The following GRIK1 variants were observed in gnomAD, a reference collection of about 807,000 sequenced individuals.
The protein encoded by GRIK1 is glutamate ionotropic receptor kainate type subunit 1.
A neutral mutation model predicts 105.7 loss-of-function variants in GRIK1; 69 were observed. The ratio of observed to expected loss-of-function variants is 0.65; its 90% confidence interval spans 0.54 to 0.80. The LOEUF (loss-of-function observed/expected upper bound fraction) is 0.80, where lower values mean the gene tolerates loss of function less well. Among genes scored for constraint, GRIK1 ranks in the 30% least tolerant of loss-of-function variants. The pLI, the probability that GRIK1 is intolerant of heterozygous loss-of-function variation, is 0.00. For synonymous variants in GRIK1, 438 were observed against 431.3 expected (o/e 1.02, Z -0.19); for missense variants, 1,109 against 1,167.3 (o/e 0.95, Z 0.73).
chr21:29,588,765 T>C (rs561630249), intron 11 of GRIK1, 74 bp downstream of exon 11: 61 of 857,484 alleles, frequency 7.1e-5, no homozygotes, highest in Middle Eastern at 6.8e-4. Flanking sequence ...GAAACATTTC[T>C]TCTGACATCA....
At chr21:29,724,899 C>T (rs555312058) in intron 1 of GRIK1, among the ~76,000 whole-genome samples, 2 of 151,448 alleles carry the variant, frequency 1.3e-5, no homozygotes, top group South Asian at 2.1e-4. Context: ...GGTCATTTAA[C>T]GTGGGAATTT....
chr21:29,929,179 T>C (rs980519945), intron 1 of GRIK1, among the ~76,000 whole-genome samples: 7 of 152,306 alleles, frequency 4.6e-5, no homozygotes, highest in Non-Finnish European at 7.4e-5. Context: ...TAGTCTCCGA[T>C]AAAGGGTTGG....
chr21:29,822,912 A>C (rs906743918), intron 1 of GRIK1, among the ~76,000 whole-genome samples: 1 of 152,028 alleles, frequency 6.6e-6, no homozygotes, highest in Non-Finnish European at 1.5e-5. Context: ...TATCAAGTAC[A>C]TCACTAAGTT....
intron 1 of GRIK1, among the ~76,000 whole-genome samples, chr21:29,783,390 C>T (rs1346920787): frequency 6.6e-6 from 1 of 151,978 alleles, no homozygotes; most frequent in East Asian, 1.9e-4. Context: ...ATATATTTTG[C>T]AGGTTTTTTT....
intron 1 of GRIK1, among the ~76,000 whole-genome samples, chr21:29,837,190 C>G (rs1429293251): frequency 6.6e-6 from 1 of 152,140 alleles, no homozygotes; most frequent in African/African-American, 2.4e-5. Flanking sequence ...CTTATATTTT[C>G]TGGTATCTCT....
intron 3 of GRIK1, among the ~76,000 whole-genome samples, chr21:29,677,638 C>A (rs544603010): frequency 6.6e-6 from 1 of 152,042 alleles, no homozygotes; most frequent in African/African-American, 2.4e-5. Context: ...CCTATGCCTT[C>A]CTTTTAAGTA....
chr21:29,600,158 A>C (rs997706792), intron 7 of GRIK1, among the ~76,000 whole-genome samples: 3 of 152,224 alleles, frequency 2.0e-5, no homozygotes, highest in African/African-American at 7.2e-5. Context: ...AATACAATCT[A>C]AATAGAACTC....
intron 1 of GRIK1, among the ~76,000 whole-genome samples, chr21:29,705,841 C>T (rs2146787583): frequency 6.6e-6 from 1 of 151,232 alleles, no homozygotes; most frequent in East Asian, 1.9e-4. Context: ...ATTTAAAATG[C>T]ATTTGCTATA....
chr21:29,783,619 T>C (rs1310430929), intron 1 of GRIK1, among the ~76,000 whole-genome samples: 1 of 152,206 alleles, frequency 6.6e-6, no homozygotes, highest in East Asian at 1.9e-4. Context: ...GTGAGATCAG[T>C]AACATAGGGT....
intron 1 of GRIK1, among the ~76,000 whole-genome samples, chr21:29,846,463 G>GAGAGAGAA (rs1555898088): frequency 3.1e-5 from 4 of 127,906 alleles, no homozygotes; most frequent in African/African-American, 9.7e-5. Context: ...GAAAGAGAGA[G>GAGAGAGAA]AGAAAGAAAG....
At chr21:29,916,557 G>A (rs1052428940) in intron 1 of GRIK1, among the ~76,000 whole-genome samples, 1 of 151,864 alleles carries the variant, frequency 6.6e-6, no homozygotes, top group Non-Finnish European at 1.5e-5. Context: ...AAGGGGCTTG[G>A]AGGGAGGGAA....
chr21:29,585,026 T>G (rs1475865142), intron 12 of GRIK1, among the ~76,000 whole-genome samples: 1 of 152,178 alleles, frequency 6.6e-6, no homozygotes, highest in Non-Finnish European at 1.5e-5. Flanking sequence ...GGGAGTTATT[T>G]TCTGTATTTC....
chr21:29,729,885 CA>C (rs2064568798), intron 1 of GRIK1, among the ~76,000 whole-genome samples: 1 of 152,206 alleles, frequency 6.6e-6, no homozygotes, highest in South Asian at 2.1e-4. Context: ...GCTGTTTTTA[CA>C]TGCTCTGGAT....
intron 12 of GRIK1, among the ~76,000 whole-genome samples, chr21:29,586,469 AT>A: frequency 1.3e-5 from 2 of 152,366 alleles, no homozygotes; most frequent in East Asian, 3.9e-4. Context: ...TCTCTTAGAA[AT>A]TCCTGGAGGG....
chr21:29,798,664 C>T (rs1290384016), intron 1 of GRIK1, among the ~76,000 whole-genome samples: 1 of 152,200 alleles, frequency 6.6e-6, no homozygotes, highest in Non-Finnish European at 1.5e-5. Context: ...TTTCAAAGAA[C>T]ATTAAAAGAA....
At chr21:29,624,339 T>A (rs2062073547) in intron 7 of GRIK1, among the ~76,000 whole-genome samples, 1 of 152,208 alleles carries the variant, frequency 6.6e-6, no homozygotes. Flanking sequence ...AATTAGATGT[T>A]AGTACCAGCC....
At chr21:29,605,308 C>T (rs1263167980) in intron 7 of GRIK1, among the ~76,000 whole-genome samples, 1 of 152,154 alleles carries the variant, frequency 6.6e-6, no homozygotes, top group Admixed American at 6.5e-5. Context: ...TAAGTGAGCA[C>T]ATGCGGTGTT....
intron 1 of GRIK1, among the ~76,000 whole-genome samples, chr21:29,890,344 T>A (rs2069847599): frequency 6.6e-6 from 1 of 152,172 alleles, no homozygotes; most frequent in Non-Finnish European, 1.5e-5. Flanking sequence ...TTGAATTTTC[T>A]TAAAGGATTT....
chr21:29,686,392 G>A (rs1476774293), intron 3 of GRIK1, among the ~76,000 whole-genome samples: 1 of 152,162 alleles, frequency 6.6e-6, no homozygotes, highest in Non-Finnish European at 1.5e-5. Context: ...GTATTGATGA[G>A]GAAGCCAGGA....
Sources: allele counts gnomAD v4.1 joint callset (sites outside exome capture counted in the v4.1 genomes callset), GRCh38; gene constraint gnomAD v4.1.1; transcripts MANE v1.5; gene names NCBI Gene and HGNC (gene_info 2026-07-23, HGNC 2026-07-21).